CHRM3: variants seen among roughly 807,000 people sequenced by gnomAD.
The protein encoded by CHRM3 is muscarinic acetylcholine receptor M3.
In CHRM3, 11 loss-of-function variants were observed where a neutral mutation model predicts 41.8. That is an observed-to-expected ratio of 0.26 (90% CI 0.17 to 0.44). The LOEUF is 0.44. Among genes scored for constraint, CHRM3 ranks in the 20% least tolerant of loss-of-function variants. The pLI is 1.00. For synonymous variants in CHRM3, 297 were observed against 301.4 expected (o/e 0.99, Z 0.15); for missense variants, 571 against 745.4 (o/e 0.77, Z 2.72).
chr1:239,520,985 T>C (rs1669605325), intron 2 of CHRM3, among the ~76,000 whole-genome samples: 1 of 152,176 alleles, frequency 6.6e-6, no homozygotes, highest in Admixed American at 6.5e-5. Flanking sequence ...AAATGGAGTT[T>C]GACCCAATAT....
At chr1:239,635,377 A>G (rs745338880) in intron 4 of CHRM3, among the ~76,000 whole-genome samples, 1 of 152,168 alleles carries the variant, frequency 6.6e-6, no homozygotes, top group Non-Finnish European at 1.5e-5. Context: ...TCTGGTTTCT[A>G]CTTGTACTTT....
At chr1:239,701,081 A>G (rs1400558083) in intron 5 of CHRM3, among the ~76,000 whole-genome samples, 2 of 152,206 alleles carry the variant, frequency 1.3e-5, no homozygotes, top group Non-Finnish European at 2.9e-5. Context: ...TCTTAATAAT[A>G]ACTAAAGTTC....
intron 5 of CHRM3, among the ~76,000 whole-genome samples, chr1:239,730,828 T>G (rs1228754304): frequency 1.3e-5 from 2 of 151,678 alleles, no homozygotes; most frequent in African/African-American, 4.8e-5. Flanking sequence ...ATGGGGACAT[T>G]GGGAAAGAAG....
At chr1:239,756,086 G>T (rs1005003) in intron 5 of CHRM3, among the ~76,000 whole-genome samples, 1 of 152,278 alleles carries the variant, frequency 6.6e-6, no homozygotes, top group African/African-American at 2.4e-5. Flanking sequence ...CCCAGCAAAT[G>T]ATAGATGTCA....
chr1:239,698,519 T>G (rs1181416242), intron 5 of CHRM3, among the ~76,000 whole-genome samples: 1 of 152,192 alleles, frequency 6.6e-6, no homozygotes, highest in Admixed American at 6.5e-5. Flanking sequence ...TCAATTACAT[T>G]TCTCATTTTC....
intron 4 of CHRM3, among the ~76,000 whole-genome samples, chr1:239,644,847 C>T (rs1012618852): frequency 1.5e-4 from 23 of 152,210 alleles, no homozygotes; most frequent in Non-Finnish European, 2.9e-4. Context: ...CAGGGCCCAG[C>T]AGGGTCCCAT....
At chr1:239,477,261 A>G (rs1666528982) in intron 1 of CHRM3, among the ~76,000 whole-genome samples, 1 of 152,236 alleles carries the variant, frequency 6.6e-6, no homozygotes, top group South Asian at 2.1e-4. Context: ...AGGCAAGGCT[A>G]GCAATAATTC....
intron 2 of CHRM3, among the ~76,000 whole-genome samples, chr1:239,506,427 G>A (rs763126115): frequency 6.6e-6 from 1 of 152,196 alleles, no homozygotes; most frequent in Admixed American, 6.5e-5. Flanking sequence ...GAGGGTAGAA[G>A]CCCTAAGTCT....
At chr1:239,753,881 A>G (rs1666033804) in intron 5 of CHRM3, among the ~76,000 whole-genome samples, 1 of 152,252 alleles carries the variant, frequency 6.6e-6, no homozygotes, top group African/African-American at 2.4e-5. Context: ...AAGTAATTCA[A>G]TACAAGTAAA....
chr1:239,441,816 T>G (rs1450778984), intron 1 of CHRM3, among the ~76,000 whole-genome samples: 1 of 152,242 alleles, frequency 6.6e-6, no homozygotes, highest in East Asian at 1.9e-4. Flanking sequence ...GTTATAAAGC[T>G]GTTTGTGTGT....
chr1:239,691,140 T>C (rs1659678403), intron 5 of CHRM3, among the ~76,000 whole-genome samples: 1 of 152,008 alleles, frequency 6.6e-6, no homozygotes, highest in African/African-American at 2.4e-5. Flanking sequence ...GCAGTCCCAT[T>C]CAGGTCACCA....
At chr1:239,543,050 T>C (rs887249706) in intron 2 of CHRM3, among the ~76,000 whole-genome samples, 4 of 152,190 alleles carry the variant, frequency 2.6e-5, no homozygotes, top group Non-Finnish European at 1.5e-5. Context: ...GTTCTTCTGT[T>C]TGTTGTTATC....
intron 6 of CHRM3, among the ~76,000 whole-genome samples, chr1:239,890,043 G>T (rs556717290): frequency 6.6e-6 from 1 of 152,244 alleles, no homozygotes; most frequent in Non-Finnish European, 1.5e-5. Context: ...AGTCAGGCAT[G>T]GTGGCTCACG....
At chr1:239,868,009 G>A (rs1451393799) in intron 6 of CHRM3, among the ~76,000 whole-genome samples, 1 of 152,196 alleles carries the variant, frequency 6.6e-6, no homozygotes. Context: ...GCAAGCCAAG[G>A]AGGAGCATAA....
rs1310427180 is a variant in CHRM3, at chr1:239,439,990, GAGTTCGAGACT to G, written c.-520-52716_-520-52706del. Among the ~76,000 whole-genome samples, 3 of 151,184 alleles carry G rather than the reference GAGTTCGAGACT, an allele frequency of 2.0e-5. No homozygotes were observed. In the East Asian group the frequency reaches 6.0e-4, roughly 30 times the overall value. ...TGAGGCAGGCGGATCACGAGGTTAGGAGTTCGAGACTAGCCTGACCAACATGGTGAAACCCT... is the reference window on the plus strand; with the variant it reads ...TGAGGCAGGCGGATCACGAGGTTAGGAGCCTGACCAACATGGTGAAACCCT... On this transcript the variant is annotated intron_variant, in intron 1 of 6. Transcript: ENST00000676153.
At chr1:239,689,904 A>G (rs1659538298) in intron 5 of CHRM3, among the ~76,000 whole-genome samples, 1 of 152,170 alleles carries the variant, frequency 6.6e-6, no homozygotes, top group Non-Finnish European at 1.5e-5. Context: ...GGGAAGAGGC[A>G]AGATTGCCCA....
chr1:239,725,252 G>C (rs1663329670), intron 5 of CHRM3, among the ~76,000 whole-genome samples: 1 of 151,816 alleles, frequency 6.6e-6, no homozygotes, highest in African/African-American at 2.4e-5. Flanking sequence ...CCATTAGAAG[G>C]GTTAAATTGA....
chr1:239,420,459 C>T (rs751656577), intron 1 of CHRM3, among the ~76,000 whole-genome samples: 4 of 152,100 alleles, frequency 2.6e-5, no homozygotes, highest in Admixed American at 6.6e-5. Flanking sequence ...TGGAAAGTTC[C>T]ACAAGGAGGT....
intron 3 of CHRM3, among the ~76,000 whole-genome samples, chr1:239,618,145 C>G (rs566091938): frequency 1.3e-5 from 2 of 151,900 alleles, no homozygotes; most frequent in South Asian, 4.2e-4. Context: ...CGTATTTTCC[C>G]TGGTCTTAAT....
Sources: gnomAD v4.1 joint callset for allele counts (sites outside exome capture counted in the v4.1 genomes callset) on GRCh38, gnomAD v4.1.1 for gene constraint, MANE v1.5 for transcripts, NCBI Gene and HGNC (gene_info 2026-07-23, HGNC 2026-07-21) for gene names.